FOXP1: variants seen among roughly 807,000 people sequenced by gnomAD.
FOXP1 encodes forkhead box P1, also known as forkhead box protein P1.
FOXP1 carries 15 observed loss-of-function variants against 98.2 expected under a neutral mutation model. The ratio of observed to expected loss-of-function variants is 0.15; its 90% CI spans 0.10 to 0.24. FOXP1 has a LOEUF of 0.24. Among genes scored for constraint, FOXP1 ranks in the 10% least tolerant of loss-of-function variants. The pLI, the probability that FOXP1 is intolerant of heterozygous loss-of-function variation, is 1.00. For synonymous variants in FOXP1, 371 were observed against 314.5 expected (o/e 1.18, Z -1.90); for missense variants, 633 against 848.5 (o/e 0.75, Z 3.15).
chr3:71,070,218 G>A (rs1424539054), intron 7 of FOXP1, among the ~76,000 whole-genome samples: 1 of 152,170 alleles, frequency 6.6e-6, no homozygotes, highest in African/African-American at 2.4e-5. Flanking sequence ...GTGAAATATG[G>A]CACTTTTAAT....
chr3:71,033,884 C>G (rs2047220766), intron 11 of FOXP1, among the ~76,000 whole-genome samples: 1 of 152,176 alleles, frequency 6.6e-6, no homozygotes, highest in Non-Finnish European at 1.5e-5. Context: ...CCCCAGGGTG[C>G]TTCTGTCTGA....
chr3:71,454,816 A>C (rs1042361897), intron 3 of FOXP1, among the ~76,000 whole-genome samples: 1 of 151,748 alleles, frequency 6.6e-6, no homozygotes, highest in African/African-American at 2.4e-5. Context: ...CAAAAAAAAA[A>C]CTGCTTTCTG....
chr3:71,169,696 G>A (rs1252826202), intron 6 of FOXP1, among the ~76,000 whole-genome samples: 2 of 150,050 alleles, frequency 1.3e-5, no homozygotes, highest in East Asian at 3.9e-4. Context: ...ATAAAACAGG[G>A]TCTAAAATGA....
rs142072998 is a variant in FOXP1, at chr3:71,538,872, T to C, written c.-298+42677A>G. Among the ~76,000 whole-genome samples the C allele has an allele frequency of 1.7e-3, 263 of 152,282 alleles. 1 individual carries two copies. The highest frequency in any genetic ancestry group is 5.4e-3 in the African/African-American group (224 of 41,564). Reference sequence around the variant, plus strand: ...GTATGTTGTAAAGTAGAGGTCCAACTACATTCTTTTGCACGTGAATATACT... The same window carrying C: ...GTATGTTGTAAAGTAGAGGTCCAACCACATTCTTTTGCACGTGAATATACT... On this transcript the variant is annotated intron_variant, in intron 2 of 20. Coordinates refer to ENST00000649528, the MANE Select transcript of FOXP1 (RefSeq NM_001349338.3).
chr3:71,103,738 A>C (rs571758097), intron 7 of FOXP1, among the ~76,000 whole-genome samples: 53 of 152,208 alleles, frequency 3.5e-4, no homozygotes, highest in Non-Finnish European at 6.2e-4. Flanking sequence ...AACAGTAGTT[A>C]AAAAATGCTG....
intron 2 of FOXP1, among the ~76,000 whole-genome samples, chr3:71,502,012 C>T (rs902316805): frequency 6.6e-6 from 1 of 152,154 alleles, no homozygotes; most frequent in Non-Finnish European, 1.5e-5. Flanking sequence ...GGTTGGGAGG[C>T]GTGACGCTCA....
At chr3:71,001,476 T>A (rs2107616387) in intron 12 of FOXP1, among the ~76,000 whole-genome samples, 1 of 152,128 alleles carries the variant, frequency 6.6e-6, no homozygotes, top group African/African-American at 2.4e-5. Context: ...TGATGATACA[T>A]CCATATACTG....
chr3:71,342,289 T>C (rs1372954700), intron 4 of FOXP1, among the ~76,000 whole-genome samples: 1 of 152,146 alleles, frequency 6.6e-6, no homozygotes, highest in African/African-American at 2.4e-5. Flanking sequence ...ACCTGAAAAC[T>C]CAAACCCTAT....
chr3:71,253,154 CT>C (rs1200695295), intron 5 of FOXP1, among the ~76,000 whole-genome samples: 1 of 152,186 alleles, frequency 6.6e-6, no homozygotes, highest in Middle Eastern at 3.2e-3. Context: ...CAAAAAAATC[CT>C]TCAAGGGAAG....
rs2032085340 is a variant in FOXP1, at chr3:70,957,398, C to T, written c.*1849G>A. On this transcript the variant is annotated 3_prime_UTR_variant, in exon 21 of 21. Coordinates refer to ENST00000649528, the MANE Select transcript of FOXP1 (RefSeq NM_001349338.3). ...TCTTTCTCAGGTTGCAATAGCCTAT[C>T]GCTTGTCATTTGCCTCTAAATTCTT... 1.3e-5 allele frequency: 3 copies of T among 229,336 alleles called. No individual in the cohort carries two copies. The highest frequency in any genetic ancestry group is 2.2e-5 in the African/African-American group (1 of 45,100). 14.2% of individuals were successfully genotyped at this position (229,336 alleles called of 1,614,324 possible).
intron 7 of FOXP1, among the ~76,000 whole-genome samples, chr3:71,074,386 C>T (rs1489067127): frequency 6.6e-6 from 1 of 152,042 alleles, no homozygotes; most frequent in Non-Finnish European, 1.5e-5. Context: ...GCCTCCACGC[C>T]CGGCTAATTT....
Position 71,005,373 on chromosome 3 carries a change from C to T in FOXP1, c.975-4314G>A, listed in dbSNP as rs114482126. On this transcript the variant is annotated intron_variant, in intron 12 of 20. Transcript: ENST00000649528. The stretch of plus-strand genomic sequence containing the variant: ...TCATAAGGAGTGCCCTTTATGAAGA[C>T]GGGTATAAGAGAAAAAAAATAATGC... Among the ~76,000 whole-genome samples the T allele has an allele frequency of 3.7e-3, 417 of 114,012 alleles. 4 individuals carry two copies. Among genetic ancestry groups the T allele is most frequent in the African/African-American group, 0.013 (396 of 31,320 alleles). 74.8% of individuals were successfully genotyped at this position (114,012 alleles called of 152,430 possible).
intron 3 of FOXP1, among the ~76,000 whole-genome samples, chr3:71,390,394 C>T (rs2080941181): frequency 2.0e-5 from 3 of 152,168 alleles, no homozygotes; most frequent in Non-Finnish European, 4.4e-5. Flanking sequence ...CTCAGTGCGA[C>T]ATGCAACCCA....
rs561371912 is a variant in FOXP1 at position 71,007,818 on chromosome 3, A to G, written c.975-6759T>C. ...AAAAATTTTAAAAAGCAAGTTACCA[A>G]TGAAATGTCCTCTACTGTCTACAGC... On this transcript the variant is annotated intron_variant, in intron 12 of 20. Coordinates refer to ENST00000649528, the MANE Select transcript of FOXP1 (RefSeq NM_001349338.3). Among the ~76,000 whole-genome samples, 100 of 152,312 alleles carry G rather than the reference A, an allele frequency of 6.6e-4. 1 individual carries two copies. The highest frequency in any genetic ancestry group is 2.0e-3 in the African/African-American group (83 of 41,584).
At chr3:71,578,641 C>T (rs1171893444) in intron 2 of FOXP1, among the ~76,000 whole-genome samples, 3 of 152,180 alleles carry the variant, frequency 2.0e-5, no homozygotes, top group Non-Finnish European at 4.4e-5. Flanking sequence ...GTCACATCTG[C>T]TATATTCCTT....
rs1491311132 is a variant in FOXP1 at position 71,370,799 on chromosome 3, T to TTG, written c.-167-11556_-167-11555insCA. On this transcript the variant is annotated intron_variant, in intron 3 of 20. Coordinates refer to ENST00000649528, the MANE Select transcript of FOXP1 (RefSeq NM_001349338.3). ...CCCAACCCTAGAGTTTTTTTTGTTG[T>TTG]TTTTTTTTTTTTTTTTTACTGAGAA... 2.4e-4 allele frequency among the ~76,000 whole-genome samples: 6 copies of TTG among 25,286 alleles called. No homozygotes were observed. The South Asian group carries it at 5.9e-3, about 25-fold the overall frequency. 16.6% of individuals were successfully genotyped at this position (25,286 alleles called of 152,430 possible).
In FOXP1 at chr3:71,447,505, C is replaced by G. The variant is rs547917074; in HGVS notation, c.-168+45921G>C. Among the ~76,000 whole-genome samples, 143 of 152,298 alleles carry G rather than the reference C, an allele frequency of 9.4e-4. 2 individuals carry two copies. Among genetic ancestry groups the G allele is most frequent in the Admixed American group, 2.0e-3 (30 of 15,298 alleles). On this transcript the variant is annotated intron_variant, in intron 3 of 20. Coordinates refer to ENST00000649528, the MANE Select transcript of FOXP1 (RefSeq NM_001349338.3). Reference sequence around the variant, plus strand: ...GGCCTAGTTCCACAGGTCTGCATACCAACCTGCTCCCATTCCATTGTACTT... The same window carrying G: ...GGCCTAGTTCCACAGGTCTGCATACGAACCTGCTCCCATTCCATTGTACTT...
At chr3:71,445,527 G>T (rs535629144) in intron 3 of FOXP1, among the ~76,000 whole-genome samples, 9 of 152,124 alleles carry the variant, frequency 5.9e-5, no homozygotes, top group Admixed American at 3.9e-4. Flanking sequence ...AAGTCAATTT[G>T]CCCTATATAA....
intron 6 of FOXP1, among the ~76,000 whole-genome samples, chr3:71,114,870 C>T (rs971675021): frequency 6.6e-6 from 1 of 152,106 alleles, no homozygotes; most frequent in Non-Finnish European, 1.5e-5. Flanking sequence ...TCCTTGGAGA[C>T]GCTCAGTACA....
Sources: allele counts gnomAD v4.1 joint callset (sites outside exome capture counted in the v4.1 genomes callset), GRCh38; gene constraint gnomAD v4.1.1; transcripts MANE v1.5; gene names NCBI Gene and HGNC (gene_info 2026-07-23, HGNC 2026-07-21).